Variants in TMEM132C observed in about 807,000 individuals in gnomAD.
The protein encoded by TMEM132C is transmembrane protein 132C.
In TMEM132C, 29 loss-of-function variants were observed where a neutral mutation model predicts 61.4. That is an observed-to-expected ratio of 0.47 (90% CI 0.35 to 0.64). The LOEUF is 0.64. Among genes scored for constraint, TMEM132C ranks in the 30% least tolerant of loss-of-function variants. The pLI, the probability that TMEM132C is intolerant of heterozygous loss-of-function variation, is 0.00. For missense variants in TMEM132C, 1,408 were observed against 1,476.9 expected (o/e 0.95, Z 0.76); for synonymous variants, 656 against 633.1 (o/e 1.04, Z -0.54).
At chr12:128,474,989 G>A (rs1344456153) in intron 2 of TMEM132C, among the ~76,000 whole-genome samples, 2 of 152,190 alleles carry the variant, frequency 1.3e-5, no homozygotes, top group East Asian at 1.9e-4. Context: ...CTTACCTAAC[G>A]ACTTCTCCCC....
intron 4 of TMEM132C, among the ~76,000 whole-genome samples, chr12:128,633,424 C>T (rs1041155898): frequency 6.6e-6 from 1 of 152,122 alleles, no homozygotes; most frequent in Non-Finnish European, 1.5e-5. Context: ...TGCTCACAGT[C>T]CCTCACAAGT....
chr12:128,688,557 C>G (rs79938391), intron 5 of TMEM132C, among the ~76,000 whole-genome samples: 2 of 152,006 alleles, frequency 1.3e-5, no homozygotes, highest in Admixed American at 6.5e-5. Context: ...CTCACATGAA[C>G]GTGCTAAAAG....
In TMEM132C at chr12:128,290,672, C is replaced by T. The variant is rs115699044; in HGVS notation, c.85+23185C>T. Among the ~76,000 whole-genome samples the T allele has an allele frequency of 4.4e-3, 663 of 152,208 alleles. 8 individuals are homozygous for T. The highest frequency in any genetic ancestry group is 0.015 in the African/African-American group (622 of 41,516). ...TGGGCCCATCAACCAACATACAAGTCAGCATTTCCCAACTTTAAACATATA... is the reference window on the plus strand; with the variant it reads ...TGGGCCCATCAACCAACATACAAGTTAGCATTTCCCAACTTTAAACATATA... On this transcript the variant is annotated intron_variant, in intron 1 of 8. Coordinates refer to ENST00000435159, the MANE Select transcript of TMEM132C (RefSeq NM_001136103.3).
At chr12:128,344,161 A>AT (rs1287196181) in intron 1 of TMEM132C, among the ~76,000 whole-genome samples, 1 of 151,584 alleles carries the variant, frequency 6.6e-6, no homozygotes, top group Non-Finnish European at 1.5e-5. Context: ...ATTTCTTTTT[A>AT]TTTTTTTATT....
At position 128,434,763 on chromosome 12, in the gene TMEM132C, C is replaced by T. The variant is rs139124813; in HGVS notation, c.974+19143C>T. On this transcript the variant is annotated intron_variant, in intron 2 of 8. Coordinates refer to ENST00000435159, the MANE Select transcript of TMEM132C (RefSeq NM_001136103.3). ...GACTACAGGCACATGCCACTATGCC[C>T]GGCTAATTTTTTTTTAAATTTTTTA... Among the ~76,000 whole-genome samples the T allele has an allele frequency of 5.5e-4, 84 of 151,914 alleles. 1 individual carries two copies. The highest frequency in any genetic ancestry group is 1.6e-3 in the African/African-American group (66 of 41,422).
At chr12:128,342,578 C>T (rs566312977) in intron 1 of TMEM132C, among the ~76,000 whole-genome samples, 21 of 43,446 alleles carry the variant, frequency 4.8e-4, no homozygotes, top group Non-Finnish European at 1.4e-3. Context: ...TCATTTCCTC[C>T]CTCCTTTTCT....
rs571996327 is a variant in TMEM132C, at chr12:128,491,944, G to A, written c.975-52013G>A. Among the ~76,000 whole-genome samples the A allele has an allele frequency of 2.0e-5, 3 of 151,624 alleles. No individual in the cohort carries two copies. The South Asian group carries it at 6.2e-4, about 32-fold the overall frequency. ...TATACATGTGCCATGTTGGTATGCT[G>A]CACCCATTAACTCGTCGTTTACATT... On this transcript the variant is annotated intron_variant, in intron 2 of 8. Transcript: ENST00000435159.
chr12:128,449,699 C>A (rs1870116993), intron 2 of TMEM132C, among the ~76,000 whole-genome samples: 1 of 152,208 alleles, frequency 6.6e-6, no homozygotes, highest in African/African-American at 2.4e-5. Flanking sequence ...ACAAACTAAT[C>A]ATGCTGTAAA....
At chr12:128,286,009 A>C (rs867522842) in intron 1 of TMEM132C, among the ~76,000 whole-genome samples, 1,239 of 19,670 alleles carry the variant, frequency 0.063, no homozygotes, top group Admixed American at 0.11. Flanking sequence ...CCCCATCTCT[A>C]TCCCTCTCTC....
intron 3 of TMEM132C, among the ~76,000 whole-genome samples, chr12:128,560,075 C>G (rs1348116330): frequency 6.6e-6 from 1 of 152,126 alleles, no homozygotes; most frequent in Admixed American, 6.6e-5. Context: ...TAGTGAGACC[C>G]TGTCTCTACA....
At chr12:128,657,360 A>T (rs1954336532) in intron 4 of TMEM132C, among the ~76,000 whole-genome samples, 1 of 152,168 alleles carries the variant, frequency 6.6e-6, no homozygotes, top group African/African-American at 2.4e-5. Flanking sequence ...AGATTTCATC[A>T]TTGTTTGGTA....
intron 3 of TMEM132C, among the ~76,000 whole-genome samples, chr12:128,591,636 C>T (rs974220246): frequency 6.6e-6 from 1 of 152,112 alleles, no homozygotes; most frequent in Non-Finnish European, 1.5e-5. Flanking sequence ...CATATGGGAG[C>T]TCTATTTTCA....
chr12:128,349,916 CGT>C (rs908362056), intron 1 of TMEM132C, among the ~76,000 whole-genome samples: 2 of 49,814 alleles, frequency 4.0e-5, no homozygotes, highest in Non-Finnish European at 1.3e-4. Flanking sequence ...GAACACGTAC[CGT>C]ACACACACAC....
At chr12:128,355,037 G>A (rs778043936) in intron 1 of TMEM132C, among the ~76,000 whole-genome samples, 10 of 152,208 alleles carry the variant, frequency 6.6e-5, no homozygotes, top group Non-Finnish European at 1.3e-4. Flanking sequence ...TCCCGGTTTG[G>A]GAAAATGTTT....
At chr12:128,645,370 A>C (rs1229545555) in intron 4 of TMEM132C, among the ~76,000 whole-genome samples, 1 of 152,132 alleles carries the variant, frequency 6.6e-6, no homozygotes, top group East Asian at 1.9e-4. Flanking sequence ...TCCCCTCGCC[A>C]GCATCTTCCT....
intron 2 of TMEM132C, among the ~76,000 whole-genome samples, chr12:128,522,586 C>T (rs372270469): frequency 2.6e-5 from 4 of 152,248 alleles, no homozygotes; most frequent in East Asian, 3.9e-4. Context: ...ATTTACGTGG[C>T]GATATCTTGT....
rs546510032 is a variant in TMEM132C, at chr12:128,421,909, C to G, written c.974+6289C>G. 5.9e-5 allele frequency among the ~76,000 whole-genome samples: 9 copies of G among 152,128 alleles called. No individual in the cohort carries two copies. The South Asian group carries it at 1.9e-3, about 32-fold the overall frequency. On this transcript the variant is annotated intron_variant, in intron 2 of 8. Coordinates refer to ENST00000435159, the MANE Select transcript of TMEM132C (RefSeq NM_001136103.3). ...TCTGTTCACTGCTATATCCCCAGCC[C>G]TTGGTGTATGACTTGGCAAAAAATA...
At chr12:128,622,358 A>ATAT (rs1477853972) in intron 4 of TMEM132C, among the ~76,000 whole-genome samples, 79 of 48,150 alleles carry the variant, frequency 1.6e-3, no homozygotes, top group African/African-American at 1.8e-3. Context: ...AAAAAAAAAA[A>ATAT]AAATATATAT....
intron 2 of TMEM132C, among the ~76,000 whole-genome samples, chr12:128,482,991 T>A (rs1010228032): frequency 6.6e-6 from 1 of 151,862 alleles, no homozygotes; most frequent in Admixed American, 6.6e-5. Flanking sequence ...TGCTTGTAAT[T>A]CCAGTGCTTT....
Sources: allele counts gnomAD v4.1 joint callset (sites outside exome capture counted in the v4.1 genomes callset), GRCh38; gene constraint gnomAD v4.1.1; transcripts MANE v1.5; gene names NCBI Gene and HGNC (gene_info 2026-07-23, HGNC 2026-07-21).